DMD: variants seen among roughly 807,000 people sequenced by gnomAD.
The protein encoded by DMD is mutant dystrophin.
DMD carries 63 observed loss-of-function variants against 330.1 expected under a neutral mutation model. The observed-to-expected ratio is 0.19, with a 90% CI of 0.16 to 0.24. DMD has a LOEUF of 0.24. Among genes scored for constraint, DMD ranks in the 10% least tolerant of loss-of-function variants. DMD has a pLI of 1.00. For missense variants in DMD, 3,344 were observed against 2,684.1 expected, an observed-to-expected ratio of 1.25 and a Z score of -5.43; for synonymous variants, 1,223 against 959.8, an observed-to-expected ratio of 1.27 and a Z score of -5.07.
chrX:31,410,726 G>A (rs1203321403), intron 60 of DMD, among the ~76,000 whole-genome samples: 1 of 105,822 alleles, frequency 9.4e-6, no homozygotes, highest in African/African-American at 3.5e-5. Flanking sequence ...TTAATCAATC[G>A]ATAATTATAT....
chrX:32,375,952 T>G (rs1433110420), intron 34 of DMD, among the ~76,000 whole-genome samples: 1 of 111,711 alleles, frequency 9.0e-6, no homozygotes, highest in Non-Finnish European at 1.9e-5. Context: ...ATGCCAAGTT[T>G]ATAAAGAACA....
intron 13 of DMD, among the ~76,000 whole-genome samples, chrX:32,592,470 C>G (rs2055031835): frequency 9.0e-6 from 1 of 111,013 alleles, no homozygotes; most frequent in Non-Finnish European, 1.9e-5. Context: ...GGTCTCCTCT[C>G]TACTCACAGC....
chrX:31,700,661 T>C (rs974770101), intron 52 of DMD, among the ~76,000 whole-genome samples: 4 of 111,834 alleles, frequency 3.6e-5, no homozygotes, highest in Admixed American at 2.8e-4. Flanking sequence ...TAATGAAACA[T>C]GTAAGTTGTT....
intron 16 of DMD, among the ~76,000 whole-genome samples, chrX:32,559,939 A>G (rs2050795314): frequency 9.0e-6 from 1 of 111,340 alleles, no homozygotes; most frequent in African/African-American, 3.3e-5. Context: ...GCACAAACAT[A>G]TACAGCATAA....
chrX:31,992,693 A>G (rs1393011717), intron 44 of DMD, among the ~76,000 whole-genome samples: 2 of 111,349 alleles, frequency 1.8e-5, no homozygotes, highest in African/African-American at 6.5e-5. Context: ...ATTTTTTTCA[A>G]TTTATATAGT....
At chrX:32,795,774 A>G (rs1424135885) in intron 7 of DMD, among the ~76,000 whole-genome samples, 2 of 111,886 alleles carry the variant, frequency 1.8e-5, no homozygotes, top group African/African-American at 6.5e-5. Context: ...GTAAAAAAAT[A>G]ATCACATTAA....
intron 37 of DMD, among the ~76,000 whole-genome samples, chrX:32,355,605 G>C (rs1421697256): frequency 9.0e-6 from 1 of 111,570 alleles, no homozygotes; most frequent in East Asian, 2.8e-4. Context: ...GGATTTATTA[G>C]CGAAGTTTCA....
chrX:32,795,519 C>T (rs1052022505), intron 7 of DMD, among the ~76,000 whole-genome samples: 6 of 111,613 alleles, frequency 5.4e-5, no homozygotes, highest in Non-Finnish European at 1.1e-4. Context: ...CTACATGAAG[C>T]AAACATAGGG....
At chrX:31,128,406 G>A (rs1180472387) in intron 77 of DMD, among the ~76,000 whole-genome samples, 1 of 111,661 alleles carries the variant, frequency 9.0e-6, no homozygotes, top group Non-Finnish European at 1.9e-5. Flanking sequence ...TAAGTAACTT[G>A]CCCTTCACTG....
At chrX:31,720,531 C>G (rs1166497505) in intron 52 of DMD, among the ~76,000 whole-genome samples, 4 of 111,698 alleles carry the variant, frequency 3.6e-5, no homozygotes, top group African/African-American at 1.3e-4. Context: ...CTGGGCTCAT[C>G]TCTGTTTGTA....
At chrX:31,310,438 A>T (rs1306470184) in intron 62 of DMD, among the ~76,000 whole-genome samples, 1 of 109,928 alleles carries the variant, frequency 9.1e-6, no homozygotes, top group Non-Finnish European at 1.9e-5. Flanking sequence ...TATAAGTAAG[A>T]GCGAGAAAAA....
intron 2 of DMD, among the ~76,000 whole-genome samples, chrX:32,979,534 C>T (rs1230187860): frequency 9.0e-6 from 1 of 110,974 alleles, no homozygotes; most frequent in Non-Finnish European, 1.9e-5. Context: ...TTATAATCAA[C>T]CTAGAAAACA....
intron 1 of DMD, among the ~76,000 whole-genome samples, chrX:33,177,578 G>A (rs1162674851): frequency 9.1e-6 from 1 of 110,331 alleles, no homozygotes; most frequent in East Asian, 2.9e-4. Context: ...TAGAGACGGG[G>A]TTTCACCATG....
intron 20 of DMD, among the ~76,000 whole-genome samples, chrX:32,490,826 GAGAGGT>G (rs1398156257): frequency 2.7e-5 from 3 of 111,927 alleles, no homozygotes; most frequent in Non-Finnish European, 5.6e-5. Flanking sequence ...ATCGTAATTT[GAGAGGT>G]CCATCAGTTT....
intron 61 of DMD, among the ~76,000 whole-genome samples, chrX:31,336,341 C>CA (rs751335527): frequency 3.6e-5 from 4 of 111,913 alleles, no homozygotes; most frequent in Non-Finnish European, 7.5e-5. Context: ...GTGCTACTGG[C>CA]ATGTAGTGAG....
chrX:31,996,047 A>G (rs931239687), intron 44 of DMD, among the ~76,000 whole-genome samples: 9 of 112,200 alleles, frequency 8.0e-5, no homozygotes, highest in African/African-American at 2.9e-4. Flanking sequence ...TCAAAAATCT[A>G]CAAACGTGAC....
At chrX:33,034,182 C>T (rs1482326882) in intron 1 of DMD, among the ~76,000 whole-genome samples, 1 of 110,782 alleles carries the variant, frequency 9.0e-6, no homozygotes, top group Admixed American at 9.6e-5. Context: ...TGAATTGTAG[C>T]ACACTGAAAA....
intron 51 of DMD, among the ~76,000 whole-genome samples, chrX:31,748,517 C>T (rs2088059232): frequency 8.9e-6 from 1 of 111,865 alleles, no homozygotes; most frequent in South Asian, 3.7e-4. Context: ...TTACTATCTA[C>T]TCAAATGTTC....
intron 1 of DMD, among the ~76,000 whole-genome samples, chrX:33,203,814 C>T (rs1028313213): frequency 3.6e-5 from 4 of 110,212 alleles, no homozygotes; most frequent in South Asian, 3.8e-4. Flanking sequence ...AATACCCACG[C>T]GCTACATAAA....
Sources: allele counts gnomAD v4.1 joint callset (sites outside exome capture counted in the v4.1 genomes callset), GRCh38; gene constraint gnomAD v4.1.1; transcripts MANE v1.5; gene names NCBI Gene and HGNC (gene_info 2026-07-23, HGNC 2026-07-21).